GABRG3: variants seen among roughly 807,000 people sequenced by gnomAD.
The protein encoded by GABRG3 is gamma-aminobutyric acid type A receptor subunit gamma3, also known as gamma-aminobutyric acid receptor subunit gamma-3.
A neutral mutation model predicts 48.8 loss-of-function variants in GABRG3; 25 were observed. The ratio of observed to expected loss-of-function variants is 0.51; its 90% CI spans 0.37 to 0.72. GABRG3 has a LOEUF of 0.72. GABRG3 is among the 30% of genes least tolerant of loss of function. The probability of loss-of-function intolerance (pLI) is 0.00; values close to 1 mark genes in which losing one functional copy is unlikely to be tolerated. For missense variants in GABRG3, 394 were observed against 577.9 expected, an observed-to-expected ratio of 0.68 and a Z score of 3.26; for synonymous variants, 227 against 217.6, an observed-to-expected ratio of 1.04 and a Z score of -0.38.
chr15:27,395,464 A>G (rs1040794727), intron 5 of GABRG3, among the ~76,000 whole-genome samples: 3 of 152,246 alleles, frequency 2.0e-5, no homozygotes, highest in Admixed American at 2.0e-4. Context: ...AAATCTTGAA[A>G]GCTAACACTA....
chr15:27,143,430 A>G (rs770718257), intron 3 of GABRG3, among the ~76,000 whole-genome samples: 10 of 152,178 alleles, frequency 6.6e-5, no homozygotes, highest in Non-Finnish European at 1.3e-4. Flanking sequence ...ACCCTGCCTT[A>G]AATAGTAGAT....
At chr15:27,356,658 T>C (rs1226593965) in intron 5 of GABRG3, among the ~76,000 whole-genome samples, 1 of 152,208 alleles carries the variant, frequency 6.6e-6, no homozygotes, top group Admixed American at 6.5e-5. Flanking sequence ...AAACAGGTGC[T>C]CCTCAATGTT....
At chr15:27,465,932 T>C (rs1206562704) in intron 5 of GABRG3, among the ~76,000 whole-genome samples, 3 of 152,222 alleles carry the variant, frequency 2.0e-5, no homozygotes, top group Non-Finnish European at 4.4e-5. Flanking sequence ...GAACTGATTC[T>C]AAAGACCCAG....
At chr15:27,150,422 T>C (rs1037368080) in intron 3 of GABRG3, among the ~76,000 whole-genome samples, 7 of 152,214 alleles carry the variant, frequency 4.6e-5, no homozygotes, top group Admixed American at 2.0e-4. Flanking sequence ...CTTTATTTTA[T>C]TTAGTTCAGC....
chr15:27,498,564 C>T (rs1208928375), intron 6 of GABRG3, among the ~76,000 whole-genome samples: 5 of 151,786 alleles, frequency 3.3e-5, no homozygotes, highest in African/African-American at 4.8e-5. Flanking sequence ...GGCGTGATGT[C>T]GGCTCACTGC....
chr15:27,471,330 T>G (rs764301556), intron 5 of GABRG3, among the ~76,000 whole-genome samples: 1 of 152,180 alleles, frequency 6.6e-6, no homozygotes, highest in Non-Finnish European at 1.5e-5. Flanking sequence ...GGGCCAATCT[T>G]AGGTTCCACT....
chr15:27,471,746 C>T (rs1279362442), intron 5 of GABRG3, among the ~76,000 whole-genome samples: 2 of 152,178 alleles, frequency 1.3e-5, no homozygotes, highest in Non-Finnish European at 2.9e-5. Context: ...ATCATAAACA[C>T]CTTCTTCCTC....
intron 3 of GABRG3, among the ~76,000 whole-genome samples, chr15:27,247,212 T>C (rs1890296389): frequency 6.6e-6 from 1 of 152,094 alleles, no homozygotes; most frequent in Non-Finnish European, 1.5e-5. Context: ...AGTGCTGAGA[T>C]TATAGGCATG....
At chr15:27,055,640 A>C (rs1284964132) in intron 3 of GABRG3, among the ~76,000 whole-genome samples, 1 of 152,206 alleles carries the variant, frequency 6.6e-6, no homozygotes. Flanking sequence ...TGTGTATGAA[A>C]CATAAATGAA....
intron 3 of GABRG3, among the ~76,000 whole-genome samples, chr15:27,303,027 GA>G (rs1242427783): frequency 1.3e-5 from 2 of 151,734 alleles, no homozygotes; most frequent in African/African-American, 4.8e-5. Context: ...TAGAAAAGAA[GA>G]AAGACCTCAG....
At chr15:27,524,761 T>C (rs1891234749) in intron 7 of GABRG3, among the ~76,000 whole-genome samples, 1 of 151,996 alleles carries the variant, frequency 6.6e-6, no homozygotes, top group African/African-American at 2.4e-5. Context: ...TAAAATATGT[T>C]GAGATAACCC....
rs540144172 is a variant in GABRG3, at chr15:26,976,302, T to C, written c.54-700T>C. ...AAGAAGTCAGAATGTTGAAGACTTA[T>C]TAGAAAGCTTAGTTCTTCATGTCTG... On this transcript the variant is annotated intron_variant, in intron 1 of 9. Coordinates refer to ENST00000615808, the MANE Select transcript of GABRG3 (RefSeq NM_033223.5). The surrounding 1 kb of genome is among the most constrained non-coding windows in gnomAD (Gnocchi z 7.8). 6.6e-6 allele frequency among the ~76,000 whole-genome samples: 1 copy of C among 152,340 alleles called. No homozygotes were observed. The highest frequency in any genetic ancestry group is 2.4e-5 in the African/African-American group (1 of 41,590).
At chr15:27,170,682 A>G (rs79837402) in intron 3 of GABRG3, among the ~76,000 whole-genome samples, 3,517 of 152,332 alleles carry the variant, frequency 0.023, 141 homozygotes, top group African/African-American at 0.08. Context: ...TGGAGGTATC[A>G]GTGCTCTCAA....
At chr15:27,085,202 T>C (rs1286048858) in intron 3 of GABRG3, among the ~76,000 whole-genome samples, 1 of 152,024 alleles carries the variant, frequency 6.6e-6, no homozygotes, top group East Asian at 1.9e-4. Flanking sequence ...AGGAGGGGAG[T>C]CTGACCTCAT....
chr15:27,166,627 C>G (rs1425754369), intron 3 of GABRG3, among the ~76,000 whole-genome samples: 2 of 152,150 alleles, frequency 1.3e-5, no homozygotes, highest in African/African-American at 4.8e-5. Flanking sequence ...CAGCAGGCAC[C>G]AGCCACACCT....
At position 27,537,404 on chromosome 15, in the gene GABRG3, G is replaced by A. The variant is rs944507468; in HGVS notation, c.*4523G>A. 1 of 152,038 alleles carries A rather than the reference G, an allele frequency of 6.6e-6. No homozygotes were observed. Among genetic ancestry groups the A allele is most frequent in the Non-Finnish European group, 1.5e-5 (1 of 68,036 alleles). 9.4% of individuals were successfully genotyped at this position (152,038 alleles called of 1,614,324 possible). On this transcript the variant is annotated 3_prime_UTR_variant, in exon 10 of 10. Coordinates refer to ENST00000615808, the MANE Select transcript of GABRG3 (RefSeq NM_033223.5). ...TGTACCTATTTTTTTTCTCAAATTG[G>A]CCTGGAGGAAACATTCAGGTTCAGA...
intron 3 of GABRG3, among the ~76,000 whole-genome samples, chr15:27,129,890 G>A (rs189171905): frequency 5.3e-4 from 81 of 151,896 alleles, no homozygotes; most frequent in African/African-American, 1.8e-3. Context: ...GTTTAAATCA[G>A]GTTGTTGTTG....
intron 5 of GABRG3, among the ~76,000 whole-genome samples, chr15:27,468,638 A>T (rs1266897424): frequency 2.0e-5 from 3 of 152,136 alleles, no homozygotes; most frequent in Non-Finnish European, 2.9e-5. Flanking sequence ...ACCACACTGT[A>T]TTACTCCTCA....
intron 3 of GABRG3, among the ~76,000 whole-genome samples, chr15:27,181,809 G>A (rs1887940611): frequency 6.6e-6 from 1 of 152,178 alleles, no homozygotes; most frequent in Non-Finnish European, 1.5e-5. Flanking sequence ...TAAGGTCATA[G>A]CTAAGATGTT....
Sources: gnomAD v4.1 joint callset for allele counts (sites outside exome capture counted in the v4.1 genomes callset) on GRCh38, gnomAD v4.1.1 for gene constraint, Gnocchi (gnomAD v3.1) non-coding constraint, MANE v1.5 for transcripts, NCBI Gene and HGNC (gene_info 2026-07-23, HGNC 2026-07-21) for gene names.